LPP: variants seen among roughly 807,000 people sequenced by gnomAD.
LPP encodes lipoma-preferred partner.
Under a neutral mutation model 60.4 loss-of-function variants are expected in LPP, and 38 were observed. The ratio of observed to expected loss-of-function variants is 0.63; its 90% CI spans 0.49 to 0.83. The LOEUF (loss-of-function observed/expected upper bound fraction) is 0.83, where lower values mean the gene tolerates loss of function less well. LPP is among the 40% of genes least tolerant of loss of function. LPP has a pLI of 0.00. For synonymous variants in LPP, 328 were observed against 290.8 expected (o/e 1.13, Z -1.30); for missense variants, 902 against 783.6 (o/e 1.15, Z -1.80).
chr3:188,546,735 A>T (rs1826759734), intron 6 of LPP, among the ~76,000 whole-genome samples: 1 of 152,184 alleles, frequency 6.6e-6, no homozygotes, highest in African/African-American at 2.4e-5. Context: ...CCATCTGGTG[A>T]TCTATTCAAT....
chr3:188,238,791 C>G (rs920236962), intron 2 of LPP, among the ~76,000 whole-genome samples: 1 of 152,068 alleles, frequency 6.6e-6, no homozygotes, highest in African/African-American at 2.4e-5. Flanking sequence ...GTGATAGTTA[C>G]CAAAAGGTGA....
At chr3:188,409,563 G>A (rs549637940) in intron 4 of LPP, among the ~76,000 whole-genome samples, 46 of 151,848 alleles carry the variant, frequency 3.0e-4, no homozygotes, top group South Asian at 6.3e-4. Flanking sequence ...ATTCCTTTTC[G>A]TTTCTTTTTT....
chr3:188,320,113 A>G lies in LPP; in HGVS notation c.-66-21550A>G, dbSNP rs569714997. Among the ~76,000 whole-genome samples the G allele has an allele frequency of 3.3e-5, 5 of 152,374 alleles. No homozygotes were observed. The South Asian group carries it at 1.0e-3, about 32-fold the overall frequency. On this transcript the variant is annotated intron_variant, in intron 2 of 11. Coordinates refer to ENST00000617246, the MANE Select transcript of LPP (RefSeq NM_001375462.1). ...CTCATTGCTTCATATCACAGCGTAC[A>G]TGATGTTAATGTGAGTTATTACTGG...
At chr3:188,601,593 A>G (rs976370074) in intron 6 of LPP, among the ~76,000 whole-genome samples, 1 of 152,186 alleles carries the variant, frequency 6.6e-6, no homozygotes, top group Non-Finnish European at 1.5e-5. Context: ...AACAGTATCT[A>G]AAAGTAGTTT....
rs140306407 is a variant in LPP, at chr3:188,666,841, C to A, written c.1114-41426C>A. 5.9e-5 allele frequency among the ~76,000 whole-genome samples: 9 copies of A among 152,262 alleles called. No individual in the cohort carries two copies. In the East Asian group the frequency reaches 1.7e-3, roughly 29 times the overall value. On this transcript the variant is annotated intron_variant, in intron 7 of 11. Transcript: ENST00000617246. ...TTTCAAAGGTAATAGTACCTAATACCATCTGAAATCCTAAAATTTCTGCCT... is the reference window on the plus strand; with the variant it reads ...TTTCAAAGGTAATAGTACCTAATACAATCTGAAATCCTAAAATTTCTGCCT...
chr3:188,757,745 A>G (rs530475451), intron 8 of LPP, among the ~76,000 whole-genome samples: 1 of 152,286 alleles, frequency 6.6e-6, no homozygotes, highest in African/African-American at 2.4e-5. Context: ...TGCTTTTAAT[A>G]ATCATATGGA....
chr3:188,396,569 T>TA (rs1781000535), intron 3 of LPP, among the ~76,000 whole-genome samples: 1 of 152,228 alleles, frequency 6.6e-6, no homozygotes, highest in Non-Finnish European at 1.5e-5. Context: ...AGATAACCGT[T>TA]AAAGAGATTG....
Position 188,414,030 on chromosome 3 carries a change from T to C in LPP, c.193+7717T>C, listed in dbSNP as rs140191728. Among the ~76,000 whole-genome samples the C allele has an allele frequency of 3.2e-3, 481 of 152,264 alleles. 4 individuals carry two copies. The highest frequency in any genetic ancestry group is 0.011 in the African/African-American group (454 of 41,542). On this transcript the variant is annotated intron_variant, in intron 4 of 11. Transcript: ENST00000617246. ...AGTCATTTACTTAAAACAGATTTTG[T>C]GCCAGATACTCTTCTAGGGGCTGAA... is the stretch of plus-strand genomic sequence containing the variant.
intron 1 of LPP, among the ~76,000 whole-genome samples, chr3:188,155,761 C>A (rs1234862990): frequency 6.6e-6 from 1 of 152,116 alleles, no homozygotes; most frequent in Non-Finnish European, 1.5e-5. Context: ...CGCCTGTAAT[C>A]CCAGCACTTT....
chr3:188,244,795 T>C (rs980883715), intron 2 of LPP, among the ~76,000 whole-genome samples: 1 of 152,188 alleles, frequency 6.6e-6, no homozygotes. Context: ...CTCAGCATTA[T>C]GTGTTTGTTG....
At chr3:188,620,817 A>T (rs1845669694) in intron 7 of LPP, among the ~76,000 whole-genome samples, 1 of 152,162 alleles carries the variant, frequency 6.6e-6, no homozygotes, top group Non-Finnish European at 1.5e-5. Context: ...ATTTGATTTT[A>T]TTCATATTAT....
chr3:188,193,961 G>A (rs956709580), intron 1 of LPP, among the ~76,000 whole-genome samples: 5 of 152,178 alleles, frequency 3.3e-5, no homozygotes, highest in African/African-American at 1.2e-4. Flanking sequence ...TGATGAACAA[G>A]GTTTAAGGCT....
At chr3:188,851,295 G>A (rs1762620211) in intron 9 of LPP, among the ~76,000 whole-genome samples, 1 of 152,106 alleles carries the variant, frequency 6.6e-6, no homozygotes, top group Non-Finnish European at 1.5e-5. Flanking sequence ...TAAATAATTT[G>A]TCTTTATTGA....
chr3:188,256,728 C>T (rs73888089), intron 2 of LPP, among the ~76,000 whole-genome samples: 9,060 of 152,130 alleles, frequency 0.06, 514 homozygotes, highest in African/African-American at 0.15. Flanking sequence ...AAAATTCAGA[C>T]GATGATAATG....
intron 4 of LPP, among the ~76,000 whole-genome samples, chr3:188,452,248 C>G (rs115529697): frequency 1.3e-3 from 203 of 152,270 alleles, no homozygotes; most frequent in African/African-American, 4.7e-3. Context: ...CCCTCCGTAT[C>G]CTTCTCTTTC....
intron 8 of LPP, among the ~76,000 whole-genome samples, chr3:188,758,499 A>G (rs560116452): frequency 6.6e-6 from 1 of 152,304 alleles, no homozygotes; most frequent in East Asian, 1.9e-4. Flanking sequence ...ACTAAGATGT[A>G]TACTTTGGGT....
chr3:188,403,991 G>T (rs1398849565), intron 3 of LPP, among the ~76,000 whole-genome samples: 2 of 152,114 alleles, frequency 1.3e-5, no homozygotes, highest in South Asian at 2.1e-4. Context: ...ACCATCACTG[G>T]CTTCAATAGC....
chr3:188,649,998 C>A (rs950473966), intron 7 of LPP, among the ~76,000 whole-genome samples: 1 of 152,200 alleles, frequency 6.6e-6, no homozygotes, highest in African/African-American at 2.4e-5. Flanking sequence ...AGCTATCTAT[C>A]TATCTATCCA....
At chr3:188,740,848 G>C (rs1212883224) in intron 8 of LPP, among the ~76,000 whole-genome samples, 9 of 151,928 alleles carry the variant, frequency 5.9e-5, no homozygotes, top group Non-Finnish European at 1.3e-4. Flanking sequence ...CAAAAGTCAG[G>C]CATGAATTCT....
Sources: allele counts gnomAD v4.1 joint callset (sites outside exome capture counted in the v4.1 genomes callset), GRCh38; gene constraint gnomAD v4.1.1; transcripts MANE v1.5; gene names NCBI Gene and HGNC (gene_info 2026-07-23, HGNC 2026-07-21).